Variants in IKBKB-DT observed in about 807,000 individuals in gnomAD.
IKBKB-DT encodes the protein IKBKB divergent transcript.
chr8:42,265,336 C>T (rs748094117), intron 2 of IKBKB-DT, among the ~76,000 whole-genome samples: 17 of 152,168 alleles, frequency 1.1e-4, no homozygotes, highest in Non-Finnish European at 2.4e-4. Context: ...GTTGCTTCTT[C>T]GGTTGCTGTT....
intron 3 of IKBKB-DT, among the ~76,000 whole-genome samples, chr8:42,236,537 G>A (rs1237837134): frequency 2.0e-5 from 3 of 152,134 alleles, no homozygotes; most frequent in East Asian, 1.9e-4. Flanking sequence ...AGGCCGAGGC[G>A]GGTGGATCAC....
intron 3 of IKBKB-DT, among the ~76,000 whole-genome samples, chr8:42,241,222 ATC>A (rs1806998057): frequency 2.0e-4 from 13 of 66,628 alleles, no homozygotes; most frequent in African/African-American, 4.3e-4. Context: ...ATATGTTGGA[ATC>A]TTTTTTTTTT....
chr8:42,235,157 TCTAA>T (rs1186638597), intron 3 of IKBKB-DT, among the ~76,000 whole-genome samples: 2 of 115,490 alleles, frequency 1.7e-5, no homozygotes, highest in African/African-American at 5.2e-5. Flanking sequence ...CTTTTTTTTT[TCTAA>T]CTCTTTTTAC....
intron 3 of IKBKB-DT, among the ~76,000 whole-genome samples, chr8:42,243,834 G>A (rs1466522490): frequency 3.9e-5 from 6 of 152,132 alleles, no homozygotes; most frequent in Non-Finnish European, 5.9e-5. Context: ...TCATTTATTG[G>A]GTCGCACAAT....
chr8:42,251,596 CT>C (rs148208795), intron 3 of IKBKB-DT, among the ~76,000 whole-genome samples: 5,552 of 152,116 alleles, frequency 0.036, 343 homozygotes, highest in African/African-American at 0.13. Flanking sequence ...ACTATTTTTC[CT>C]AACACTTATG....
chr8:42,268,159 A>C, intron 1 of IKBKB-DT, among the ~76,000 whole-genome samples: 1 of 107,890 alleles, frequency 9.3e-6, no homozygotes, highest in East Asian at 2.6e-4. Flanking sequence ...TTTTAGATGG[A>C]GTTTTGCTCT....
chr8:42,252,898 A>G (rs1807146416), intron 3 of IKBKB-DT, among the ~76,000 whole-genome samples: 1 of 152,228 alleles, frequency 6.6e-6, no homozygotes, highest in Non-Finnish European at 1.5e-5. Context: ...GCATAACATG[A>G]CAAAGAAGAA....
At chr8:42,235,627 A>G (rs2129897666) in intron 3 of IKBKB-DT, among the ~76,000 whole-genome samples, 1 of 152,244 alleles carries the variant, frequency 6.6e-6, no homozygotes, top group African/African-American at 2.4e-5. Context: ...CTCCAACCCA[A>G]TCAATCAGCA....
chr8:42,271,180 C>T (rs1042389672), exon 1 of IKBKB-DT: 17 of 602,662 alleles, frequency 2.8e-5, no homozygotes, highest in Non-Finnish European at 1.8e-5. Context: ...CACGCCACCC[C>T]CGCCCCGGGG....
rs140824530 is a variant in IKBKB-DT, at chr8:42,238,965, A to G, written n.1530-5106T>C. On this transcript the variant is annotated intron_variant and non_coding_transcript_variant, in intron 3 of 3. Coordinates refer to ENST00000518213, the Ensembl canonical transcript of IKBKB-DT. The stretch of plus-strand genomic sequence containing the variant: ...GCTTGGCGAGCTTTGAATTAATTAA[A>G]CTCTTTCTCTACTGCAACACTGCTG... Among the ~76,000 whole-genome samples the G allele has an allele frequency of 3.8e-3, 584 of 152,004 alleles. 5 individuals are homozygous for G. The highest frequency in any genetic ancestry group is 0.013 in the African/African-American group (555 of 41,442).
At chr8:42,267,896 G>A (rs572425995) in intron 1 of IKBKB-DT, among the ~76,000 whole-genome samples, 1 of 152,164 alleles carries the variant, frequency 6.6e-6, no homozygotes, top group African/African-American at 2.4e-5. Context: ...CTAGTAATAC[G>A]TGACCTTATC....
At chr8:42,239,044 T>C (rs1173483424) in intron 3 of IKBKB-DT, among the ~76,000 whole-genome samples, 1 of 152,140 alleles carries the variant, frequency 6.6e-6, no homozygotes, top group East Asian at 1.9e-4. Flanking sequence ...CATCTGGTGA[T>C]TACACCTGGA....
intron 3 of IKBKB-DT, among the ~76,000 whole-genome samples, chr8:42,257,793 A>G (rs551544115): frequency 1.3e-5 from 2 of 150,592 alleles, no homozygotes; most frequent in African/African-American, 2.4e-5. Flanking sequence ...TCAAAGGACA[A>G]TTTTTTTTTT....
At chr8:42,236,974 C>T (rs1429428615) in intron 3 of IKBKB-DT, among the ~76,000 whole-genome samples, 1 of 152,128 alleles carries the variant, frequency 6.6e-6, no homozygotes, top group East Asian at 1.9e-4. Flanking sequence ...TCCACCTCGG[C>T]CTCCTAAAGT....
intron 3 of IKBKB-DT, among the ~76,000 whole-genome samples, chr8:42,237,957 C>G (rs1400628846): frequency 7.5e-6 from 1 of 133,728 alleles, no homozygotes; most frequent in Non-Finnish European, 1.5e-5. Flanking sequence ...CCCAGGAGGT[C>G]AAGGTTGCAG....
At chr8:42,257,240 A>G (rs1415664132) in intron 3 of IKBKB-DT, among the ~76,000 whole-genome samples, 1 of 152,228 alleles carries the variant, frequency 6.6e-6, no homozygotes, top group Non-Finnish European at 1.5e-5. Context: ...GCAGTGGCTT[A>G]TGCCTATAAT....
intron 3 of IKBKB-DT, among the ~76,000 whole-genome samples, chr8:42,244,373 G>A (rs76206142): frequency 0.02 from 3,084 of 152,232 alleles, 106 homozygotes; most frequent in African/African-American, 0.07. Context: ...GGGGCTTCCC[G>A]GGCAGTTCCA....
At chr8:42,259,529 G>A (rs902526270) in intron 3 of IKBKB-DT, among the ~76,000 whole-genome samples, 9 of 152,018 alleles carry the variant, frequency 5.9e-5, no homozygotes. Flanking sequence ...CCTGACTATA[G>A]GTTACCAAAG....
intron 1 of IKBKB-DT, among the ~76,000 whole-genome samples, chr8:42,268,908 C>T (rs879269397): frequency 1.3e-5 from 2 of 152,186 alleles, no homozygotes; most frequent in East Asian, 3.9e-4. Context: ...TAAGCAAACA[C>T]TTATATTGCA....
Sources: allele counts gnomAD v4.1 joint callset (sites outside exome capture counted in the v4.1 genomes callset), GRCh38; gene constraint gnomAD v4.1.1; transcripts MANE v1.5; gene names NCBI Gene and HGNC (gene_info 2026-07-23, HGNC 2026-07-21).